Variants in NKAIN3 observed in about 807,000 individuals in gnomAD.
NKAIN3 encodes the protein sodium/potassium transporting ATPase interacting 3.
NKAIN3 carries 25 observed loss-of-function variants against 30.2 expected under a neutral mutation model. The observed-to-expected ratio is 0.83, with a 90% CI of 0.60 to 1.16. The LOEUF (loss-of-function observed/expected upper bound fraction) is 1.16. Among genes scored for constraint, NKAIN3 ranks in the 50% most tolerant of loss-of-function variants. NKAIN3 has a pLI of 0.00. For missense variants in NKAIN3, 225 were observed against 254.1 expected (o/e 0.89, Z 0.78); for synonymous variants, 91 against 89.6 (o/e 1.02, Z -0.09).
At chr8:62,437,621 AAAC>A (rs1305873745) in intron 1 of NKAIN3, among the ~76,000 whole-genome samples, 23 of 152,220 alleles carry the variant, frequency 1.5e-4, no homozygotes, top group African/African-American at 5.5e-4. Context: ...AGAGCAATAA[AAAC>A]AACATTTTAG....
intron 3 of NKAIN3, among the ~76,000 whole-genome samples, chr8:62,624,015 C>A (rs1039262260): frequency 6.6e-5 from 10 of 152,090 alleles, no homozygotes; most frequent in Admixed American, 1.3e-4. Flanking sequence ...CCCTTTTAGA[C>A]CATATACAGT....
At chr8:62,931,715 C>G (rs1235639281) in intron 5 of NKAIN3, among the ~76,000 whole-genome samples, 1 of 152,130 alleles carries the variant, frequency 6.6e-6, no homozygotes, top group South Asian at 2.1e-4. Context: ...AATAATCTAG[C>G]AGGCCACAGC....
chr8:62,627,875 C>A (rs75426257), intron 3 of NKAIN3, among the ~76,000 whole-genome samples: 1 of 151,984 alleles, frequency 6.6e-6, no homozygotes, highest in Non-Finnish European at 1.5e-5. Context: ...AACAAGTTCC[C>A]GAATCCAACT....
chr8:62,651,124 A>T (rs1005171952), intron 3 of NKAIN3, among the ~76,000 whole-genome samples: 1 of 152,048 alleles, frequency 6.6e-6, no homozygotes, highest in Non-Finnish European at 1.5e-5. Context: ...AAGAAAAAAA[A>T]AAACTTCTTC....
chr8:62,698,199 T>A (rs961361682), intron 3 of NKAIN3, among the ~76,000 whole-genome samples: 2 of 152,202 alleles, frequency 1.3e-5, no homozygotes. Context: ...ATCAATGGAA[T>A]AAGCATTATT....
At chr8:62,662,823 A>T (rs1482163067) in intron 3 of NKAIN3, among the ~76,000 whole-genome samples, 1 of 152,214 alleles carries the variant, frequency 6.6e-6, no homozygotes, top group Non-Finnish European at 1.5e-5. Context: ...TGATTCAGTG[A>T]TGAGTAAACA....
At chr8:62,594,598 G>A (rs986692155) in intron 3 of NKAIN3, among the ~76,000 whole-genome samples, 1 of 151,980 alleles carries the variant, frequency 6.6e-6, no homozygotes, top group African/African-American at 2.4e-5. Context: ...TCTCTGTCCT[G>A]CAGATGAGAA....
chr8:62,827,709 A>G (rs1442870547), intron 4 of NKAIN3, among the ~76,000 whole-genome samples: 2 of 152,190 alleles, frequency 1.3e-5, no homozygotes, highest in Non-Finnish European at 2.9e-5. Context: ...TTTAAAACAA[A>G]TAAGAGTAGA....
At chr8:62,390,743 T>C (rs1365900275) in intron 1 of NKAIN3, among the ~76,000 whole-genome samples, 2 of 152,238 alleles carry the variant, frequency 1.3e-5, no homozygotes, top group Admixed American at 1.3e-4. Flanking sequence ...CTGACTGGTG[T>C]GAGATGGTAT....
intron 1 of NKAIN3, among the ~76,000 whole-genome samples, chr8:62,432,736 A>G (rs1038931308): frequency 6.6e-6 from 1 of 152,074 alleles, no homozygotes; most frequent in Non-Finnish European, 1.5e-5. Flanking sequence ...ACATTTACCT[A>G]TTTCTCAACC....
At chr8:62,551,103 A>G (rs11998099) in intron 1 of NKAIN3, among the ~76,000 whole-genome samples, 1 of 152,208 alleles carries the variant, frequency 6.6e-6, no homozygotes, top group African/African-American at 2.4e-5. Context: ...TATACAAGTC[A>G]CAGAGTGAAT....
intron 4 of NKAIN3, among the ~76,000 whole-genome samples, chr8:62,800,478 AT>A (rs141535766): frequency 0.013 from 1,944 of 152,272 alleles, 36 homozygotes; most frequent in African/African-American, 0.042. Context: ...CCTCAGATCT[AT>A]TTCTAAAAGG....
chr8:62,945,735 T>C (rs1028585219), intron 5 of NKAIN3, among the ~76,000 whole-genome samples: 3 of 152,144 alleles, frequency 2.0e-5, no homozygotes, highest in African/African-American at 7.2e-5. Context: ...GGTCTCTTAT[T>C]GCCGCCCTTC....
intron 3 of NKAIN3, among the ~76,000 whole-genome samples, chr8:62,596,655 G>A (rs751734140): frequency 3.9e-5 from 6 of 152,036 alleles, no homozygotes; most frequent in Admixed American, 6.6e-5. Context: ...TTCCTAGAGT[G>A]AGGGGATTAC....
intron 1 of NKAIN3, among the ~76,000 whole-genome samples, chr8:62,506,628 C>G (rs1329820813): frequency 6.6e-6 from 1 of 151,864 alleles, no homozygotes; most frequent in Non-Finnish European, 1.5e-5. Flanking sequence ...GCACATACCA[C>G]TACGCCCTGC....
At chr8:62,596,131 T>C (rs1369419449) in intron 3 of NKAIN3, among the ~76,000 whole-genome samples, 1 of 152,038 alleles carries the variant, frequency 6.6e-6, no homozygotes, top group Non-Finnish European at 1.5e-5. Flanking sequence ...GTGAAGGGTT[T>C]TAAGTAATTT....
At chr8:62,675,577 C>T (rs1813447999) in intron 3 of NKAIN3, among the ~76,000 whole-genome samples, 1 of 152,166 alleles carries the variant, frequency 6.6e-6, no homozygotes, top group Admixed American at 6.5e-5. Flanking sequence ...AAATTCCATG[C>T]TGGGCTTTGA....
chr8:62,583,165 T>A lies in NKAIN3; in HGVS notation c.192+3489T>A, dbSNP rs184141402. On this transcript the variant is annotated intron_variant, in intron 2 of 6. Coordinates refer to ENST00000623646, the MANE Select transcript of NKAIN3 (RefSeq NM_001304533.3). Reference sequence around the variant, plus strand: ...TAGAATGTAATTAGCGCTCAGTACATACTTATTGATTATTTTTCCTATCTA... The same window carrying A: ...TAGAATGTAATTAGCGCTCAGTACAAACTTATTGATTATTTTTCCTATCTA... Among the ~76,000 whole-genome samples the A allele has an allele frequency of 1.8e-4, 28 of 152,286 alleles. No homozygotes were observed. The South Asian group carries it at 4.1e-3, about 23-fold the overall frequency.
intron 4 of NKAIN3, among the ~76,000 whole-genome samples, chr8:62,860,195 G>A (rs1443113378): frequency 6.6e-6 from 1 of 152,210 alleles, no homozygotes; most frequent in Admixed American, 6.5e-5. Flanking sequence ...TATGTGATAG[G>A]AAAGATGTGG....
Sources: allele counts gnomAD v4.1 joint callset (sites outside exome capture counted in the v4.1 genomes callset), GRCh38; gene constraint gnomAD v4.1.1; transcripts MANE v1.5; gene names NCBI Gene and HGNC (gene_info 2026-07-23, HGNC 2026-07-21).